The following MYO9A variants were observed in gnomAD, a reference collection of about 807,000 sequenced individuals.
The protein encoded by MYO9A is unconventional myosin-IXa.
Under a neutral mutation model 293.3 loss-of-function variants are expected in MYO9A, and 103 were observed. That is an observed-to-expected ratio of 0.35 (90% CI 0.30 to 0.41). The LOEUF is 0.41. Ranked by LOEUF, MYO9A falls within the 10% of genes least tolerant of loss-of-function variation. MYO9A has a pLI of 1.00. For missense variants in MYO9A, 2,685 were observed against 3,033.0 expected (o/e 0.89, Z 2.69); for synonymous variants, 1,001 against 1,035.7 (o/e 0.97, Z 0.64).
intron 16 of MYO9A, among the ~76,000 whole-genome samples, chr15:71,938,240 A>C (rs2058687295): frequency 6.6e-6 from 1 of 152,150 alleles, no homozygotes; most frequent in Admixed American, 6.6e-5. Flanking sequence ...TTACCACAGT[A>C]TTAGGAAGCT....
At chr15:71,841,319 C>T (rs1304658079) in intron 39 of MYO9A, among the ~76,000 whole-genome samples, 1 of 152,006 alleles carries the variant, frequency 6.6e-6, no homozygotes, top group African/African-American at 2.4e-5. Flanking sequence ...CAGAATGCTT[C>T]CAGTGTTCTT....
intron 28 of MYO9A, among the ~76,000 whole-genome samples, chr15:71,882,162 C>T (rs1470410791): frequency 6.6e-6 from 1 of 152,138 alleles, no homozygotes; most frequent in East Asian, 1.9e-4. Flanking sequence ...CTTACTGTAA[C>T]TGGGTCTGTT....
intron 1 of MYO9A, among the ~76,000 whole-genome samples, chr15:72,051,483 T>G (rs1566986805): frequency 3.3e-5 from 5 of 152,034 alleles, no homozygotes; most frequent in Admixed American, 3.3e-4. Context: ...CAGGCACAGC[T>G]GCAGCCGCCC....
intron 33 of MYO9A, among the ~76,000 whole-genome samples, chr15:71,861,489 AT>A (rs1234187022): frequency 2.7e-5 from 4 of 147,588 alleles, no homozygotes; most frequent in African/African-American, 9.8e-5. Flanking sequence ...ATTTATATAT[AT>A]TTTATATATT....
At chr15:72,003,657 T>C (rs1339371186) in intron 8 of MYO9A, among the ~76,000 whole-genome samples, 4 of 150,522 alleles carry the variant, frequency 2.7e-5, no homozygotes, top group African/African-American at 4.9e-5. Context: ...TGAGCCGAGA[T>C]TGCGCCACTG....
chr15:71,988,201 AC>A (rs1270688660), intron 11 of MYO9A, among the ~76,000 whole-genome samples: 1 of 152,114 alleles, frequency 6.6e-6, no homozygotes, highest in African/African-American at 2.4e-5. Flanking sequence ...GCATTCCCTC[AC>A]CCTTCTAACA....
chr15:71,896,429 C>T (rs114410558), intron 25 of MYO9A, among the ~76,000 whole-genome samples: 116 of 152,112 alleles, frequency 7.6e-4, no homozygotes, highest in African/African-American at 2.7e-3. Flanking sequence ...TTTGTTTTTA[C>T]GTACCACTTA....
chr15:71,904,762 A>T (rs1024188038), intron 20 of MYO9A, among the ~76,000 whole-genome samples, 164 bp downstream of exon 20: 6 of 152,222 alleles, frequency 3.9e-5, no homozygotes, highest in Non-Finnish European at 8.8e-5. Context: ...AACACCTTAC[A>T]GGCAGGGAAG....
intron 15 of MYO9A, among the ~76,000 whole-genome samples, chr15:71,945,686 T>C (rs1450444239): frequency 6.6e-6 from 1 of 151,604 alleles, no homozygotes; most frequent in South Asian, 2.1e-4. Flanking sequence ...CCTATATTAA[T>C]GAATTTGTTG....
chr15:71,875,908 A>T, intron 31 of MYO9A, 70 bp from the exon 32 acceptor site: 1 of 860,112 alleles, frequency 1.2e-6, no homozygotes, highest in Non-Finnish European at 1.6e-6. Flanking sequence ...ACTTCATTGC[A>T]AATGTTAAGA....
rs1319668038 is a variant in MYO9A, at chr15:72,117,918, G to C, written c.-310C>G. Reference sequence around the variant, plus strand: ...GCAGGCACATCCCCCGCCGCACCCCGCCCAGAGAGCACGCGTTGGACCGCC... The same window carrying C: ...GCAGGCACATCCCCCGCCGCACCCCCCCCAGAGAGCACGCGTTGGACCGCC... On this transcript the variant is annotated 5_prime_UTR_variant, in exon 1 of 42. Coordinates refer to ENST00000356056, the MANE Select transcript of MYO9A (RefSeq NM_006901.4). 2.5e-6 allele frequency: 1 copy of C among 398,536 alleles called. No homozygotes were observed. The highest frequency in any genetic ancestry group is 4.4e-6 in the Non-Finnish European group (1 of 226,028). The allele number at this position is 398,536 out of a possible 1,614,324, so 24.7% of individuals were successfully genotyped here. A position where few individuals can be genotyped will look rare whatever the true frequency, so the allele number is the denominator to read the frequency against.
intron 1 of MYO9A, among the ~76,000 whole-genome samples, chr15:72,090,845 A>G (rs1326934866): frequency 3.3e-5 from 5 of 152,140 alleles, no homozygotes; most frequent in Non-Finnish European, 5.9e-5. Flanking sequence ...TGTGAGATTA[A>G]GTGTGATACT....
At chr15:71,947,697 T>G (rs1464407496) in intron 15 of MYO9A, among the ~76,000 whole-genome samples, 1 of 152,198 alleles carries the variant, frequency 6.6e-6, no homozygotes, top group Non-Finnish European at 1.5e-5. Context: ...GACATTAAAG[T>G]AGGCACTGTC....
chr15:71,893,375 A>ACG, intron 26 of MYO9A: 1 of 425,320 alleles, frequency 2.4e-6, no homozygotes, highest in East Asian at 5.8e-5. Flanking sequence ...ATGAAGGACT[A>ACG]GAATGGAAGC....
intron 2 of MYO9A, chr15:72,039,794 A>C (rs903174178): frequency 6.5e-6 from 1 of 153,674 alleles, no homozygotes; most frequent in Non-Finnish European, 1.4e-5. Flanking sequence ...GTGCCACTGT[A>C]CTCCAGCCCA....
intron 18 of MYO9A, among the ~76,000 whole-genome samples, chr15:71,931,973 C>A (rs1384553624): frequency 6.6e-6 from 1 of 150,400 alleles, no homozygotes; most frequent in African/African-American, 2.4e-5. Flanking sequence ...CCTCAAAAGT[C>A]TGGCCAGAAA....
At chr15:72,085,794 GTTTT>G (rs995259801) in intron 1 of MYO9A, among the ~76,000 whole-genome samples, 3 of 152,022 alleles carry the variant, frequency 2.0e-5, no homozygotes, top group Admixed American at 6.6e-5. Context: ...CTTCGAAATG[GTTTT>G]TTGTTTTTTT....
At chr15:71,925,188 TGTATATATACAC>T (rs1384391218) in intron 18 of MYO9A, among the ~76,000 whole-genome samples, 1 of 3,162 alleles carries the variant, frequency 3.2e-4, no homozygotes, top group African/African-American at 5.3e-4. Context: ...TATATACATG[TGTATATATACAC>T]ATATATACAT....
intron 19 of MYO9A, among the ~76,000 whole-genome samples, chr15:71,909,904 A>G (rs1434379482): frequency 6.6e-6 from 1 of 151,908 alleles, no homozygotes; most frequent in East Asian, 1.9e-4. Flanking sequence ...GAGGCTGAGG[A>G]GGGAGGATAG....
Sources: allele counts gnomAD v4.1 joint callset (sites outside exome capture counted in the v4.1 genomes callset), GRCh38; gene constraint gnomAD v4.1.1; transcripts MANE v1.5; gene names NCBI Gene and HGNC (gene_info 2026-07-23, HGNC 2026-07-21).